RCAN1: variants seen among roughly 807,000 people sequenced by gnomAD.
RCAN1 encodes the protein calcipressin-1.
In RCAN1, 11 loss-of-function variants were observed where a neutral mutation model predicts 22.9. That is an observed-to-expected ratio of 0.48 (90% CI 0.30 to 0.79). The LOEUF is 0.79. Among genes scored for constraint, RCAN1 ranks in the 30% least tolerant of loss-of-function variants. RCAN1 has a pLI of 0.06. For synonymous variants in RCAN1, 136 were observed against 142.3 expected (o/e 0.96, Z 0.32); for missense variants, 291 against 337.8 (o/e 0.86, Z 1.09).
intron 1 of RCAN1, among the ~76,000 whole-genome samples, chr21:34,560,782 G>A (rs1986760219): frequency 6.6e-6 from 1 of 152,138 alleles, no homozygotes; most frequent in African/African-American, 2.4e-5. Context: ...TAAGAGCCTG[G>A]GGGAAGCTAA....
Position 34,516,598 on chromosome 21 carries a change from G to A in RCAN1, c.*1486C>T, listed in dbSNP as rs1984057289. Reference sequence around the variant, plus strand: ...TAACAAGAAACACTTGGACAGCGATGCAATGGTCTCTCCCAAACCGGCTCC... The same window carrying A: ...TAACAAGAAACACTTGGACAGCGATACAATGGTCTCTCCCAAACCGGCTCC... On this transcript the variant is annotated 3_prime_UTR_variant, in exon 4 of 4. Coordinates refer to ENST00000313806, the MANE Select transcript of RCAN1 (RefSeq NM_004414.7). 6.6e-6 allele frequency: 1 copy of A among 152,202 alleles called. No individual in the cohort carries two copies. The highest frequency in any genetic ancestry group is 1.5e-5 in the Non-Finnish European group (1 of 68,032). The allele number at this position is 152,202 out of a possible 1,614,324, so 9.4% of individuals were successfully genotyped here.
At chr21:34,526,677 C>T (rs149533318) in intron 1 of RCAN1, 64 of 1,613,210 alleles carry the variant, frequency 4.0e-5, no homozygotes, top group Middle Eastern at 1.7e-4. Context: ...GTTTCACTTT[C>T]GCTGAAGATA....
chr21:34,530,616 GTTTT>G lies in RCAN1; in HGVS notation c.253-6910_253-6907del, dbSNP rs59150851. Among the ~76,000 whole-genome samples the G allele has an allele frequency of 1.1e-4, 7 of 66,224 alleles. No homozygotes were observed. The East Asian group carries it at 1.8e-3, about 17-fold the overall frequency. 43.4% of individuals were successfully genotyped at this position (66,224 alleles called of 152,430 possible). A position where few individuals can be genotyped will look rare whatever the true frequency, so the allele number is the denominator to read the frequency against. On this transcript the variant is annotated intron_variant, in intron 1 of 3. Coordinates refer to ENST00000313806, the MANE Select transcript of RCAN1 (RefSeq NM_004414.7). Reference sequence around the variant, plus strand: ...TTTTTGCTTCTAAGATAGTGAAATAGTTTTTTTTTTTTTTTTTTTTTTTTTTTGA... The same window carrying G: ...TTTTTGCTTCTAAGATAGTGAAATAGTTTTTTTTTTTTTTTTTTTTTTTGA...
intron 1 of RCAN1, among the ~76,000 whole-genome samples, chr21:34,593,311 A>G (rs1468126980): frequency 6.6e-6 from 1 of 152,236 alleles, no homozygotes; most frequent in East Asian, 1.9e-4. Flanking sequence ...TCACCCAACC[A>G]CAGGTTACAG....
Position 34,614,791 on chromosome 21 carries a change from T to C in RCAN1, c.221A>G (p.Asp74Gly). The stretch of plus-strand genomic sequence containing the variant: ...CAGGCCGTCCACGAACACGCGCGGG[T>C]CCAGGTGACAGGCGATGGTGGCGCT... ...LPSATIACHL[D>G]PRVFVDGLCR... is the part of the protein sequence containing the mutation. Residue 74 changes from aspartate to glycine, a missense_variant, in exon 1 of 4, where the codon GAC (aspartate) becomes GGC (glycine). Transcript: ENST00000313806. This position sits in a 1 kb window ranked among gnomAD's most constrained non-coding sequence, Gnocchi z 6.0. 6.8e-7 allele frequency: 1 copy of C among 1,473,948 alleles called. No individual in the cohort carries two copies. Among genetic ancestry groups the C allele is most frequent in the Non-Finnish European group, 9.0e-7 (1 of 1,110,092 alleles). The allele number at this position is 1,473,948 out of a possible 1,614,324, so 91.3% of individuals were successfully genotyped here.
chr21:34,568,594 T>C (rs946109598), intron 1 of RCAN1, among the ~76,000 whole-genome samples: 1 of 152,264 alleles, frequency 6.6e-6, no homozygotes, highest in Non-Finnish European at 1.5e-5. Context: ...ACTGGAGGAA[T>C]TGCATGCTAA....
intron 1 of RCAN1, among the ~76,000 whole-genome samples, chr21:34,536,011 A>G (rs764716170): frequency 3.3e-5 from 5 of 152,196 alleles, no homozygotes; most frequent in Non-Finnish European, 5.9e-5. Flanking sequence ...AGTTCATACT[A>G]GATTTCATCT....
At chr21:34,541,334 C>T (rs1985903046) in intron 1 of RCAN1, among the ~76,000 whole-genome samples, 1 of 152,154 alleles carries the variant, frequency 6.6e-6, no homozygotes, top group Admixed American at 6.5e-5. Context: ...AAAAGATATA[C>T]CTCTGCATTT....
intron 1 of RCAN1, among the ~76,000 whole-genome samples, chr21:34,580,187 AGCTTTAGAG>A (rs1987554385): frequency 2.5e-5 from 2 of 78,734 alleles, no homozygotes; most frequent in Admixed American, 2.5e-4. Flanking sequence ...AGTCAAGCCC[AGCTTTAGAG>A]CATCAGGAAC....
chr21:34,614,988 G>T lies in RCAN1; in HGVS notation c.24C>A (p.Pro8=), dbSNP rs1988782919. 1 of 1,106,640 alleles carries T rather than the reference G, an allele frequency of 9.0e-7. No homozygotes were observed. Among genetic ancestry groups the T allele is most frequent in the Middle Eastern group, 3.9e-4 (1 of 2,544 alleles). 68.6% of individuals were successfully genotyped at this position (1,106,640 alleles called of 1,614,324 possible). Reference sequence around the variant, plus strand: ...CCGCCTCCGCCGCGGCCCCGAGCTGGGGACCGGCCACGCCGTCCTCCATCC... The same window carrying T: ...CCGCCTCCGCCGCGGCCCCGAGCTGTGGACCGGCCACGCCGTCCTCCATCC... The part of the protein sequence containing the change: MEDGVAG[P]QLGAAAEAAE... Residue 8 remains proline, a synonymous_variant, in exon 1 of 4, where the codon CCC becomes CCA. Coordinates refer to ENST00000313806, the MANE Select transcript of RCAN1 (RefSeq NM_004414.7). This position sits in a 1 kb window ranked among gnomAD's most constrained non-coding sequence, Gnocchi z 6.0.
In RCAN1 at chr21:34,521,518, G is replaced by A; in HGVS notation, c.567C>T (p.Ala189=). 1 of 1,614,200 alleles carries A rather than the reference G, an allele frequency of 6.2e-7. No homozygotes were observed. Among genetic ancestry groups the A allele is most frequent in the Non-Finnish European group, 8.5e-7 (1 of 1,180,038 alleles). Residue 189 remains alanine (A), a synonymous_variant, in exon 3 of 4, where the codon GCC becomes GCT. Coordinates refer to ENST00000313806, the MANE Select transcript of RCAN1 (RefSeq NM_004414.7). ...TPVINYDLLY[A]ISKLGPGEKY... is the part of the protein sequence containing the mutation. ...GCTCACCTGGCCCCAGCTTGGAGAT[G>A]GCATATAAGAGATCATAGTTTATGA...
intron 3 of RCAN1, among the ~76,000 whole-genome samples, chr21:34,520,580 A>G (rs1340480492): frequency 6.6e-6 from 1 of 152,216 alleles, no homozygotes; most frequent in Non-Finnish European, 1.5e-5. Flanking sequence ...ACCCAAGGGA[A>G]CATCAGATTG....
intron 1 of RCAN1, chr21:34,559,758 T>C (rs1318054878): frequency 6.6e-6 from 1 of 152,232 alleles, no homozygotes; most frequent in Admixed American, 6.5e-5. Context: ...AGGTGTTAAC[T>C]ATCCTTACCT....
At chr21:34,554,529 T>G (rs1986484640) in intron 1 of RCAN1, among the ~76,000 whole-genome samples, 1 of 152,078 alleles carries the variant, frequency 6.6e-6, no homozygotes, top group African/African-American at 2.4e-5. Context: ...GCTTTTAACA[T>G]CACAGAAGGA....
At chr21:34,521,353 G>A (rs770153707) in intron 3 of RCAN1, 146 bp downstream of exon 3, 82 of 1,524,760 alleles carry the variant, frequency 5.4e-5, no homozygotes, top group Middle Eastern at 1.7e-4. Flanking sequence ...CACAAGGGAC[G>A]GTGGCGCAGA....
At chr21:34,587,700 C>T (rs1206816304) in intron 1 of RCAN1, among the ~76,000 whole-genome samples, 1 of 152,178 alleles carries the variant, frequency 6.6e-6, no homozygotes, top group Non-Finnish European at 1.5e-5. Flanking sequence ...GATATATTCA[C>T]ACCACAGAAT....
At chr21:34,556,680 A>G (rs539282578) in intron 1 of RCAN1, among the ~76,000 whole-genome samples, 1 of 152,322 alleles carries the variant, frequency 6.6e-6, no homozygotes, top group East Asian at 1.9e-4. Context: ...TACAGTCAGT[A>G]GCAAAAATAT....
chr21:34,568,540 G>A (rs1432610792), intron 1 of RCAN1, among the ~76,000 whole-genome samples: 1 of 152,226 alleles, frequency 6.6e-6, no homozygotes, highest in Non-Finnish European at 1.5e-5. Flanking sequence ...TTGGTTCCCT[G>A]TGTTTACAGC....
intron 1 of RCAN1, among the ~76,000 whole-genome samples, chr21:34,553,377 T>A (rs1231041446): frequency 6.6e-6 from 1 of 152,200 alleles, no homozygotes; most frequent in African/African-American, 2.4e-5. Flanking sequence ...ACTCTAGGTG[T>A]CTGGATCAGT....
Sources: allele counts gnomAD v4.1 joint callset (sites outside exome capture counted in the v4.1 genomes callset), GRCh38; gene constraint gnomAD v4.1.1; non-coding constraint Gnocchi (gnomAD v3.1); transcripts MANE v1.5; gene names NCBI Gene and HGNC (gene_info 2026-07-23, HGNC 2026-07-21).